The following MFSD12 variants were observed in gnomAD, a reference collection of about 807,000 sequenced individuals.
The protein encoded by MFSD12 is major facilitator superfamily domain containing 12, also known as major facilitator superfamily domain-containing protein 12.
MFSD12 carries 67 observed loss-of-function variants against 51.2 expected under a neutral mutation model. The ratio of observed to expected loss-of-function variants is 1.31; its 90% confidence interval spans 1.08 to 1.60. The LOEUF (loss-of-function observed/expected upper bound fraction) is 1.60, where lower values mean the gene tolerates loss of function less well. Ranked by LOEUF, MFSD12 falls within the 40% of genes most tolerant of loss-of-function variation. The pLI, the probability that MFSD12 is intolerant of heterozygous loss-of-function variation, is 0.00. For synonymous variants in MFSD12, 441 were observed against 316.7 expected (o/e 1.39, Z -4.17); for missense variants, 921 against 673.0 (o/e 1.37, Z -4.08).
chr19:3,544,029 C>T (rs376570139), downstream of MFSD12: 1,134 of 1,518,278 alleles, frequency 7.5e-4, 9 homozygotes, highest in African/African-American at 0.014. Flanking sequence ...TACCAGGATG[C>T]ACCCACTGTC....
In MFSD12 at chr19:3,547,444, A is replaced by G. The variant is rs771857064; in HGVS notation, c.930+11T>C. On this transcript the variant is annotated intron_variant, in intron 5 of 9. Coordinates refer to ENST00000355415, the MANE Select transcript of MFSD12 (RefSeq NM_174983.5). ...CGTCCCATCCCAGCGTCCCCGCCCC[A>G]ATCTGCTCACCTTGGGCAGGTGGAG... 9.3e-6 allele frequency: 15 copies of G among 1,612,530 alleles called. No individual in the cohort carries two copies. In the Admixed American group the frequency reaches 2.3e-4, roughly 25 times the overall value.
At chr19:3,550,952 C>G (rs1156491588) in intron 2 of MFSD12, 32 bp downstream of exon 2, 1 of 1,597,878 alleles carries the variant, frequency 6.3e-7, no homozygotes, top group Admixed American at 1.7e-5. Context: ...GGGGCCCACC[C>G]TGCCCGTGGG....
downstream of MFSD12, chr19:3,541,772 G>C (rs999911889): frequency 7.1e-6 from 7 of 985,244 alleles, no homozygotes; most frequent in African/African-American, 1.7e-5. Flanking sequence ...GCCGACAGCA[G>C]GGGTGAGGGG....
chr19:3,546,497 C>A lies in MFSD12; in HGVS notation c.1024-72G>T. On this transcript the variant is annotated intron_variant, in intron 6 of 9. Transcript: ENST00000355415. ...AAGCCTGGCGCTTCAATCCGCCACC[C>A]CTACCCCCAACCCCAGCAAACAAGG... The A allele has an allele frequency of 2.7e-6, 4 of 1,500,476 alleles. No homozygotes were observed. In the South Asian group the frequency reaches 3.9e-5, roughly 15 times the overall value. 92.9% of individuals were successfully genotyped at this position (1,500,476 alleles called of 1,614,324 possible).
chr19:3,542,682 C>T (rs143933305), downstream of MFSD12: 32 of 1,207,526 alleles, frequency 2.7e-5, no homozygotes, highest in African/African-American at 4.8e-4. Flanking sequence ...GGGGTTTTAC[C>T]ATGCTGGCCA....
downstream of MFSD12, chr19:3,539,280 TGAGCCCCTCC>T: frequency 6.6e-7 from 1 of 1,516,510 alleles, no homozygotes; most frequent in Non-Finnish European, 9.0e-7. Flanking sequence ...TCCCTACAGG[TGAGCCCCTCC>T]CAGCCCCTCC....
At chr19:3,542,796 G>T (rs1489300267), downstream of MFSD12, 1 of 1,370,398 alleles carries the variant, frequency 7.3e-7, no homozygotes, top group Admixed American at 1.9e-5. Context: ...GGGTCCCCCA[G>T]TCTTCCCTGG....
downstream of MFSD12, chr19:3,541,712 T>C (rs984355692): frequency 1.0e-6 from 1 of 985,154 alleles, no homozygotes; most frequent in Non-Finnish European, 1.2e-6. Context: ...ATGTACCACC[T>C]GCTCCTGGGA....
At chr19:3,538,518 A>G (rs2030084697) in exon 5 of MFSD12, 2 of 368,132 alleles carry the variant, frequency 5.4e-6, no homozygotes, top group South Asian at 4.0e-5. Context: ...TGGACATTTC[A>G]TAGAAGTGGG....
At chr19:3,544,979 C>T (rs762350880) in intron 8 of MFSD12, 40 bp from the exon 9 acceptor site, 60 of 1,559,406 alleles carry the variant, frequency 3.8e-5, no homozygotes, top group Admixed American at 9.1e-5. Context: ...ACCGCGGGTA[C>T]CACCCCCCCG....
chr19:3,549,272 G>A (rs1004243337), intron 2 of MFSD12, among the ~76,000 whole-genome samples: 2 of 152,200 alleles, frequency 1.3e-5, no homozygotes, highest in African/African-American at 4.8e-5. Flanking sequence ...AGAGAGGCCT[G>A]CCCATCCCAT....
At chr19:3,557,077 C>A in intron 1 of MFSD12, 29 bp downstream of exon 1, 1 of 1,424,354 alleles carries the variant, frequency 7.0e-7, no homozygotes, top group Non-Finnish European at 9.1e-7. Context: ...GAGGGGCTGC[C>A]CGACAGGTGG....
chr19:3,544,178 G>A (rs10415404), downstream of MFSD12: 39,553 of 1,369,118 alleles, frequency 0.029, 4,342 homozygotes, highest in African/African-American at 0.35. Context: ...GAGCCCCCCC[G>A]CAGGCAGACA....
At position 3,557,515 on chromosome 19, in the gene MFSD12, A is replaced by G. The variant is rs2031799109; in HGVS notation, c.-112T>C. 6.5e-6 allele frequency: 4 copies of G among 616,904 alleles called. No individual in the cohort carries two copies. The highest frequency in any genetic ancestry group is 8.7e-6 in the Non-Finnish European group (4 of 462,154). The allele number at this position is 616,904 out of a possible 1,614,324, so 38.2% of individuals were successfully genotyped here. On this transcript the variant is annotated 5_prime_UTR_variant, in exon 1 of 10. Coordinates refer to ENST00000355415, the MANE Select transcript of MFSD12 (RefSeq NM_174983.5). Reference sequence around the variant, plus strand: ...CGGGGACCCCCACCACGCGCCGGGCACCCCGCGTCCCGCTCTCTTACGGCC... The same window carrying G: ...CGGGGACCCCCACCACGCGCCGGGCGCCCCGCGTCCCGCTCTCTTACGGCC...
intron 8 of MFSD12, among the ~76,000 whole-genome samples, chr19:3,545,304 T>C (rs2030901929): frequency 6.6e-6 from 1 of 152,188 alleles, no homozygotes; most frequent in Non-Finnish European, 1.5e-5. Flanking sequence ...CCTGTCCCTC[T>C]TCTGCCCACA....
chr19:3,546,262 G>T lies in MFSD12; in HGVS notation c.1187C>A (p.Pro396His), dbSNP rs368466279. 1.9e-6 allele frequency: 3 copies of T among 1,610,564 alleles called. No individual in the cohort carries two copies. The African/African-American group carries it at 4.0e-5, about 21-fold the overall frequency. ...SLAMTADLIG[P>H]HTNSGAFVYG... ...CCTGGCTACCAGCCCTACCGTGTGG[G>T]GACCGATGAGGTCGGCCGTCATGGC... The change falls in exon 7 of 10, where the codon CCC becomes CAC. Residue 396 changes from proline (P) to histidine (H), a missense_variant. By Grantham distance (77) the Pro-to-His change is moderately conservative (BLOSUM62 -2). Coordinates refer to ENST00000355415, the MANE Select transcript of MFSD12 (RefSeq NM_174983.5).
At chr19:3,542,847 G>A, downstream of MFSD12, 2 of 1,379,970 alleles carry the variant, frequency 1.4e-6, no homozygotes, top group Non-Finnish European at 1.9e-6. Flanking sequence ...TCTTCCTGGT[G>A]CACCTCCAGG....
downstream of MFSD12, chr19:3,542,125 T>C (rs944876467): frequency 1.0e-6 from 1 of 985,274 alleles, no homozygotes; most frequent in Non-Finnish European, 1.2e-6. Flanking sequence ...TGTGCTGTTT[T>C]AATTGTGTTT....
downstream of MFSD12, among the ~76,000 whole-genome samples, chr19:3,540,528 T>C (rs964691055): frequency 6.6e-6 from 1 of 151,098 alleles, no homozygotes; most frequent in Non-Finnish European, 1.5e-5. Flanking sequence ...AGTGCTGGGA[T>C]TACAGGCGTG....
Sources: allele counts gnomAD v4.1 joint callset (sites outside exome capture counted in the v4.1 genomes callset), GRCh38; gene constraint gnomAD v4.1.1; transcripts MANE v1.5; gene names NCBI Gene and HGNC (gene_info 2026-07-23, HGNC 2026-07-21).